CYFIP1: variants seen among roughly 807,000 people sequenced by gnomAD.
The protein encoded by CYFIP1 is cytoplasmic FMR1 interacting protein 1.
In CYFIP1, 58 loss-of-function variants were observed where a neutral mutation model predicts 163.5. That is an observed-to-expected ratio of 0.35 (90% CI 0.29 to 0.44). The LOEUF (loss-of-function observed/expected upper bound fraction) is 0.44. CYFIP1 is among the 20% of genes least tolerant of loss of function. The pLI is 1.00. For missense variants in CYFIP1, 1,338 were observed against 1,653.8 expected (o/e 0.81, Z 3.31); for synonymous variants, 663 against 660.7 (o/e 1.00, Z -0.05).
rs772421051 is a variant in CYFIP1, at chr15:22,917,958, A to G, written c.1527-23T>C. The G allele has an allele frequency of 2.5e-6, 4 of 1,607,662 alleles. No homozygotes were observed. The highest frequency in any genetic ancestry group is 1.7e-5 in the Admixed American group (1 of 58,840). Reference sequence around the variant, plus strand: ...ACACTGAACACCCCACCAAGTGATCAGCAAGGCCCAGAGGCCGAGACCTCC... The same window carrying G: ...ACACTGAACACCCCACCAAGTGATCGGCAAGGCCCAGAGGCCGAGACCTCC... On this transcript the variant is annotated intron_variant, in intron 14 of 30. Transcript: ENST00000617928. The surrounding 1 kb of genome is among the most constrained non-coding windows in gnomAD (Gnocchi z 4.2).
intron 12 of CYFIP1, among the ~76,000 whole-genome samples, chr15:22,927,421 T>C (rs2061389678): frequency 1.4e-5 from 2 of 142,172 alleles, no homozygotes; most frequent in South Asian, 4.4e-4. Flanking sequence ...AGGCAGAGGT[T>C]GCAGTGAGCC....
chr15:22,962,489 C>A (rs904594904), intron 1 of CYFIP1, among the ~76,000 whole-genome samples: 1 of 151,598 alleles, frequency 6.6e-6, no homozygotes, highest in African/African-American at 2.4e-5. Context: ...ACCTCCGCCT[C>A]CCTGGTTCAA....
chr15:22,867,577 T>C lies in CYFIP1; in HGVS notation c.*2451A>G, dbSNP rs1314398613. ...ATCCCATGATGCCTGGAACCTTGAT[T>C]ACCGTTTTACATCAGCTCTTGTACT... is the stretch of plus-strand genomic sequence containing the variant. On this transcript the variant is annotated 3_prime_UTR_variant, in exon 31 of 31. Transcript: ENST00000617928. The C allele has an allele frequency of 5.2e-6, 1 of 191,586 alleles. No homozygotes were observed. Among genetic ancestry groups the C allele is most frequent in the East Asian group, 1.2e-4 (1 of 8,024 alleles). The allele number at this position is 191,586 out of a possible 1,614,324, so 11.9% of individuals were successfully genotyped here.
chr15:22,955,501 C>A (rs1012156326), intron 1 of CYFIP1, among the ~76,000 whole-genome samples: 5 of 152,180 alleles, frequency 3.3e-5, no homozygotes, highest in African/African-American at 1.2e-4. Context: ...AGAGTTGCCC[C>A]GGCGTGGGCA....
In CYFIP1 at chr15:22,909,301, A is replaced by G. The variant is rs1214240305; in HGVS notation, c.2281T>C (p.Ser761Pro). The G allele has an allele frequency of 6.2e-7, 1 of 1,613,984 alleles. No homozygotes were observed. Among genetic ancestry groups the G allele is most frequent in the African/African-American group, 1.3e-5 (1 of 74,926 alleles). Residue 761 changes from serine (S) to proline (P), a missense_variant, in exon 21 of 31, where the codon TCA (serine) becomes CCA (proline). By Grantham distance (74) the Ser-to-Pro change is moderately conservative. This residue lies in a region of CYFIP1 where 824 missense variants were observed against 995.7 expected (regional missense o/e 0.83). Coordinates refer to ENST00000617928, the MANE Select transcript of CYFIP1 (RefSeq NM_014608.6). Reference protein sequence around the residue: ...KQRHVQLLGRSIDLNRLITQR... With the variant: ...KQRHVQLLGRPIDLNRLITQR... ...GTGATCAGACGATTGAGGTCTATTGATCTGCCGAGGAGCTGGCGTACACAG... is the reference window on the plus strand; with the variant it reads ...GTGATCAGACGATTGAGGTCTATTGGTCTGCCGAGGAGCTGGCGTACACAG...
chr15:22,971,938 T>TGCAATCTACAGGTTCAAA (rs2063111744), intron 1 of CYFIP1, among the ~76,000 whole-genome samples: 7 of 151,704 alleles, frequency 4.6e-5, no homozygotes, highest in African/African-American at 1.5e-4. Context: ...ACAGGTTCAA[T>TGCAATCTACAGGTTCAAA]GCAATCTACA....
At chr15:22,872,293 C>T (rs866052089) in intron 30 of CYFIP1, among the ~76,000 whole-genome samples, 1 of 111,416 alleles carries the variant, frequency 9.0e-6, no homozygotes, top group African/African-American at 3.4e-5. Flanking sequence ...GAAACTGTCT[C>T]AAAAAAAAAA....
chr15:22,880,401 C>T (rs1162576842), intron 25 of CYFIP1, among the ~76,000 whole-genome samples: 3 of 152,190 alleles, frequency 2.0e-5, no homozygotes, highest in African/African-American at 4.8e-5. Flanking sequence ...AATCTCTCTT[C>T]GCAGGCATGG....
rs116647286 is a variant in CYFIP1 at position 22,923,402 on chromosome 15, C to T, written c.1359+2580G>A. ...TTGTTAGAAAACCGCAAATCAAAAG[C>T]GCAATGAAATGAGATACCACCTCAC... On this transcript the variant is annotated intron_variant, in intron 13 of 30. Transcript: ENST00000617928. 6.9e-3 allele frequency among the ~76,000 whole-genome samples: 1,053 copies of T among 152,144 alleles called. 16 individuals carry two copies. Among genetic ancestry groups the T allele is most frequent in the African/African-American group, 0.024 (980 of 41,494 alleles).
intron 8 of CYFIP1, among the ~76,000 whole-genome samples, chr15:22,937,633 C>G (rs2061756844): frequency 7.0e-6 from 1 of 143,688 alleles, no homozygotes; most frequent in Non-Finnish European, 1.5e-5. Context: ...GAGTCTGGCT[C>G]TGTCACCCGG....
intron 22 of CYFIP1, among the ~76,000 whole-genome samples, chr15:22,901,587 C>T (rs982011977): frequency 6.6e-6 from 1 of 152,174 alleles, no homozygotes. Context: ...TCCAGAGCTG[C>T]AGCACTGTCA....
intron 23 of CYFIP1, among the ~76,000 whole-genome samples, chr15:22,891,671 C>CA (rs1164152636): frequency 1.1e-4 from 16 of 152,178 alleles, no homozygotes; most frequent in African/African-American, 3.9e-4. Context: ...TTGGGCCCTC[C>CA]AAAAACCAAT....
chr15:22,951,659 G>A, intron 1 of CYFIP1: 2 of 843,140 alleles, frequency 2.4e-6, no homozygotes, highest in Non-Finnish European at 3.3e-6. Flanking sequence ...CAAGAAGACA[G>A]GTCGGACCGA....
At chr15:22,881,990 G>T in intron 24 of CYFIP1, 54 bp from the exon 25 acceptor site, 2 of 1,510,508 alleles carry the variant, frequency 1.3e-6, no homozygotes, top group Non-Finnish European at 1.8e-6. Context: ...CTCTGCTAAC[G>T]CCTGTGGCCG....
chr15:22,945,089 C>T (rs1448559888), intron 3 of CYFIP1, 150 bp from the exon 4 acceptor site: 8 of 794,140 alleles, frequency 1.0e-5, no homozygotes, highest in Non-Finnish European at 1.7e-5. Context: ...GCTAGTGACA[C>T]TGAGGTGCGG....
At chr15:22,900,380 A>AAG (rs2060356744) in intron 22 of CYFIP1, among the ~76,000 whole-genome samples, 1 of 151,408 alleles carries the variant, frequency 6.6e-6, no homozygotes, top group African/African-American at 2.4e-5. Context: ...CCAGAACCGT[A>AAG]AGAGAATAAA....
Position 22,964,349 on chromosome 15 carries a change from TCACTCACACACACA to T in CYFIP1, c.-7+15924_-7+15937del, listed in dbSNP as rs1235044810. 5.6e-4 allele frequency among the ~76,000 whole-genome samples: 22 copies of T among 39,582 alleles called. No individual in the cohort carries two copies. The South Asian group carries it at 8.7e-3, about 16-fold the overall frequency. The allele number at this position is 39,582 out of a possible 152,430, so 26.0% of individuals were successfully genotyped here. A position where few individuals can be genotyped will look rare whatever the true frequency, so the allele number is the denominator to read the frequency against. The stretch of plus-strand genomic sequence containing the variant: ...CCCACCAGCAGACTCCGCAACCTCA[TCACTCACACACACA>T]CACACACACACACACACACACACAC... On this transcript the variant is annotated intron_variant, in intron 1 of 30. Transcript: ENST00000617928.
chr15:22,933,562 C>T (rs2142236620), intron 10 of CYFIP1, among the ~76,000 whole-genome samples: 1 of 152,242 alleles, frequency 6.6e-6, no homozygotes, highest in South Asian at 2.1e-4. Flanking sequence ...GATCCGCCCG[C>T]CTCGGCCTCC....
chr15:22,899,443 C>T (rs1490944247), intron 22 of CYFIP1, among the ~76,000 whole-genome samples: 3 of 152,104 alleles, frequency 2.0e-5, no homozygotes, highest in Non-Finnish European at 2.9e-5. Flanking sequence ...GAGTGGGACT[C>T]GTTAGGAGGT....
Sources: allele counts gnomAD v4.1 joint callset (sites outside exome capture counted in the v4.1 genomes callset), GRCh38; gene constraint gnomAD v4.1.1; regional missense constraint gnomAD v4.1.1; non-coding constraint Gnocchi (gnomAD v3.1); transcripts MANE v1.5; gene names NCBI Gene and HGNC (gene_info 2026-07-23, HGNC 2026-07-21).